The following MEIKIN variants were observed in gnomAD, a reference collection of about 807,000 sequenced individuals.
MEIKIN encodes the protein meiotic kinetochore factor.
At chr5:131,860,171 C>G (rs910281498) in intron 9 of MEIKIN, among the ~76,000 whole-genome samples, 5 of 151,634 alleles carry the variant, frequency 3.3e-5, no homozygotes, top group African/African-American at 1.2e-4. Context: ...GATATGAATT[C>G]TTCTGATCCA....
At chr5:131,811,185 G>A (rs1182609000) in intron 12 of MEIKIN, among the ~76,000 whole-genome samples, 2 of 152,100 alleles carry the variant, frequency 1.3e-5, no homozygotes, top group Non-Finnish European at 2.9e-5. Flanking sequence ...AAAAACTTCA[G>A]TCTGAACACT....
chr5:131,823,730 TG>T (rs1281817745), intron 11 of MEIKIN, among the ~76,000 whole-genome samples: 2 of 152,184 alleles, frequency 1.3e-5, no homozygotes, highest in African/African-American at 4.8e-5. Flanking sequence ...TTCTCCTGGA[TG>T]ATGCTGGTGC....
chr5:131,893,061 A>T (rs886381817), intron 8 of MEIKIN, among the ~76,000 whole-genome samples: 17 of 152,162 alleles, frequency 1.1e-4, no homozygotes, highest in Non-Finnish European at 2.4e-4. Flanking sequence ...CTGCTGTCTG[A>T]TCGTTCCTCT....
At chr5:131,899,433 A>C (rs1751116353) in intron 8 of MEIKIN, among the ~76,000 whole-genome samples, 1 of 152,044 alleles carries the variant, frequency 6.6e-6, no homozygotes, top group South Asian at 2.1e-4. Context: ...GCCACAAAAC[A>C]ACCAGAAATA....
At chr5:131,853,583 G>C (rs1364164646) in intron 10 of MEIKIN, among the ~76,000 whole-genome samples, 1 of 152,134 alleles carries the variant, frequency 6.6e-6, no homozygotes, top group Non-Finnish European at 1.5e-5. Flanking sequence ...CCCATGGAAG[G>C]GGGCAAATTA....
chr5:131,819,987 G>A (rs1031710033), intron 11 of MEIKIN, among the ~76,000 whole-genome samples: 14 of 148,248 alleles, frequency 9.4e-5, no homozygotes, highest in Admixed American at 8.1e-4. Flanking sequence ...GTTTTAGCCG[G>A]GATGGTCTCG....
intron 11 of MEIKIN, among the ~76,000 whole-genome samples, chr5:131,828,949 G>A (rs1435913918): frequency 6.6e-6 from 1 of 152,042 alleles, no homozygotes; most frequent in Non-Finnish European, 1.5e-5. Context: ...AAACTTGTTG[G>A]ATAAAGCTAA....
At chr5:131,889,586 GC>G (rs1472378400) in intron 8 of MEIKIN, among the ~76,000 whole-genome samples, 2 of 152,180 alleles carry the variant, frequency 1.3e-5, no homozygotes, top group African/African-American at 2.4e-5. Flanking sequence ...TGCTGAAGTT[GC>G]CTATCAGCTT....
Position 131,807,019 on chromosome 5 carries a change from ATATAT to A in MEIKIN, c.*212_*216del, listed in dbSNP as rs1772857636. On this transcript the variant is annotated 3_prime_UTR_variant, in exon 13 of 13. Coordinates refer to ENST00000442687, the MANE Select transcript of MEIKIN (RefSeq NM_001303622.2). ...GTTCTTTATCTTTTAATATAAATAC[ATATAT>A]TTAAGAAGCATATGGAATAATTTTT... The A allele has an allele frequency of 2.8e-6, 1 of 356,730 alleles. No homozygotes were observed. The highest frequency in any genetic ancestry group is 1.5e-4 in the South Asian group (1 of 6,748). 22.1% of individuals were successfully genotyped at this position (356,730 alleles called of 1,614,324 possible). A position where few individuals can be genotyped will look rare whatever the true frequency, so the allele number is the denominator to read the frequency against.
chr5:131,850,230 T>C lies in MEIKIN; in HGVS notation c.975+1034A>G, dbSNP rs528867566. ...CATCCCATGTTTATGGATTGGAAGA[T>C]GCAATACTGTTAAGATGCCATTACT... On this transcript the variant is annotated intron_variant, in intron 11 of 12. Coordinates refer to ENST00000442687, the MANE Select transcript of MEIKIN (RefSeq NM_001303622.2). Among the ~76,000 whole-genome samples the C allele has an allele frequency of 4.6e-5, 7 of 152,260 alleles. No homozygotes were observed. In the East Asian group the frequency reaches 1.2e-3, roughly 25 times the overall value.
intron 11 of MEIKIN, among the ~76,000 whole-genome samples, chr5:131,830,458 A>G (rs1448413027): frequency 5.3e-5 from 8 of 152,238 alleles, no homozygotes; most frequent in Non-Finnish European, 5.9e-5. Flanking sequence ...GACTATTTGC[A>G]TTACAAAAGA....
At chr5:131,933,265 A>G (rs1355651442) in intron 5 of MEIKIN, among the ~76,000 whole-genome samples, 1 of 152,216 alleles carries the variant, frequency 6.6e-6, no homozygotes, top group East Asian at 1.9e-4. Context: ...AAATTGATTA[A>G]TAATTGGATG....
chr5:131,845,151 T>A (rs557599130), intron 11 of MEIKIN, among the ~76,000 whole-genome samples: 2 of 151,770 alleles, frequency 1.3e-5, no homozygotes, highest in East Asian at 1.9e-4. Context: ...GCACCTGTAG[T>A]CCCAGCTACT....
intron 9 of MEIKIN, among the ~76,000 whole-genome samples, chr5:131,868,717 C>T (rs79879440): frequency 2.7e-5 from 2 of 75,004 alleles, no homozygotes; most frequent in East Asian, 7.4e-4. Flanking sequence ...TCTGTCTCTA[C>T]AAAAAAAAAA....
chr5:131,824,047 G>A (rs1218668466), intron 11 of MEIKIN, among the ~76,000 whole-genome samples: 1 of 152,160 alleles, frequency 6.6e-6, no homozygotes, highest in African/African-American at 2.4e-5. Flanking sequence ...GAGCCACCTG[G>A]AACTGAGGGT....
At chr5:131,838,164 G>C (rs1006178968) in intron 11 of MEIKIN, among the ~76,000 whole-genome samples, 1 of 152,026 alleles carries the variant, frequency 6.6e-6, no homozygotes, top group Non-Finnish European at 1.5e-5. Context: ...ACATTGATTT[G>C]CGTATACTGA....
At chr5:131,813,202 C>T (rs1307413424) in intron 12 of MEIKIN, among the ~76,000 whole-genome samples, 1 of 152,186 alleles carries the variant, frequency 6.6e-6, no homozygotes, top group African/African-American at 2.4e-5. Flanking sequence ...GAGTTCTCTA[C>T]AATCAGTTGA....
intron 10 of MEIKIN, among the ~76,000 whole-genome samples, chr5:131,851,610 TTC>T (rs1376882919): frequency 2.0e-5 from 3 of 152,222 alleles, no homozygotes; most frequent in Non-Finnish European, 4.4e-5. Flanking sequence ...GGTTATAACA[TTC>T]TTTCATTTTA....
At chr5:131,943,569 T>C (rs1227360153) in intron 3 of MEIKIN, among the ~76,000 whole-genome samples, 2 of 152,200 alleles carry the variant, frequency 1.3e-5, no homozygotes, top group Non-Finnish European at 2.9e-5. Context: ...CTGAAAGTCA[T>C]ATTTTTGAAG....
Sources: allele counts gnomAD v4.1 joint callset (sites outside exome capture counted in the v4.1 genomes callset), GRCh38; gene constraint gnomAD v4.1.1; transcripts MANE v1.5; gene names NCBI Gene and HGNC (gene_info 2026-07-23, HGNC 2026-07-21).